The following C1QTNF3 variants were observed in gnomAD, a reference collection of about 807,000 sequenced individuals.
C1QTNF3 encodes the protein C1q and TNF related 3, also known as complement C1q tumor necrosis factor-related protein 3.
C1QTNF3 carries 26 observed loss-of-function variants against 32.6 expected under a neutral mutation model. The ratio of observed to expected loss-of-function variants is 0.80; its 90% CI spans 0.58 to 1.11. The LOEUF (loss-of-function observed/expected upper bound fraction) is 1.11. Among genes scored for constraint, C1QTNF3 ranks in the 50% least tolerant of loss-of-function variants. The pLI, the probability that C1QTNF3 is intolerant of heterozygous loss-of-function variation, is 0.00. For missense variants in C1QTNF3, 362 were observed against 398.2 expected (o/e 0.91, Z 0.77); for synonymous variants, 155 against 146.0 (o/e 1.06, Z -0.44).
chr5:34,038,005 T>G (rs748281351), intron 1 of C1QTNF3, among the ~76,000 whole-genome samples: 15 of 152,112 alleles, frequency 9.9e-5, no homozygotes, highest in Non-Finnish European at 1.8e-4. Flanking sequence ...ACCATCGATA[T>G]AGGAATGGAA....
At chr5:34,099,981 G>C in the C1QTNF3 span, among the ~76,000 whole-genome samples, 2 of 151,888 alleles carry the variant, frequency 1.3e-5, no homozygotes, top group Non-Finnish European at 2.9e-5. Context: ...GCTAGTGGCT[G>C]TCTTAGCCCC....
chr5:34,216,756 A>G, the C1QTNF3 span, among the ~76,000 whole-genome samples: 8 of 152,230 alleles, frequency 5.3e-5, no homozygotes, highest in African/African-American at 9.6e-5. Context: ...TGTATAGAAT[A>G]GAGCATAATA....
At chr5:34,235,063 T>C in the C1QTNF3 span, among the ~76,000 whole-genome samples, 1 of 152,146 alleles carries the variant, frequency 6.6e-6, no homozygotes, top group Admixed American at 6.6e-5. Flanking sequence ...CCAACACACA[T>C]ATGCTTCTCT....
chr5:34,120,291 T>A, the C1QTNF3 span, among the ~76,000 whole-genome samples: 2 of 152,212 alleles, frequency 1.3e-5, no homozygotes, highest in East Asian at 3.8e-4. Context: ...TTGTTTTAGA[T>A]CATATCAGTT....
At chr5:34,083,680 G>T in the C1QTNF3 span, among the ~76,000 whole-genome samples, 2 of 151,714 alleles carry the variant, frequency 1.3e-5, no homozygotes, top group Non-Finnish European at 2.9e-5. Context: ...TTTTATGTTG[G>T]GAACTGCTCG....
At chr5:34,208,775 A>G in the C1QTNF3 span, among the ~76,000 whole-genome samples, 322 of 138,580 alleles carry the variant, frequency 2.3e-3, no homozygotes, top group South Asian at 4.0e-3. Flanking sequence ...ATTAACTATT[A>G]GGATAATGTG....
chr5:34,128,987 C>G, the C1QTNF3 span, among the ~76,000 whole-genome samples: 249 of 152,224 alleles, frequency 1.6e-3, 1 homozygote, highest in African/African-American at 5.7e-3. Context: ...CAAATCTTAT[C>G]TCAAATTGTA....
the C1QTNF3 span, among the ~76,000 whole-genome samples, chr5:34,219,573 A>G: frequency 1.3e-4 from 19 of 147,950 alleles, no homozygotes; most frequent in Admixed American, 2.0e-4. Context: ...ATTGTGATGG[A>G]AAAAAAAAAA....
chr5:34,123,806 T>C, the C1QTNF3 span, among the ~76,000 whole-genome samples: 16 of 152,364 alleles, frequency 1.1e-4, no homozygotes, highest in African/African-American at 3.6e-4. Context: ...TAAAATGTTA[T>C]GTTTTAAAGC....
chr5:34,113,804 C>A, the C1QTNF3 span, among the ~76,000 whole-genome samples: 1 of 152,044 alleles, frequency 6.6e-6, no homozygotes, highest in African/African-American at 2.4e-5. Context: ...CAAGATATCT[C>A]ATTTCATGTT....
the C1QTNF3 span, among the ~76,000 whole-genome samples, chr5:34,145,130 A>AAAAAT: frequency 9.2e-5 from 14 of 152,144 alleles, no homozygotes; most frequent in Admixed American, 2.0e-4. Context: ...CTCCATCTCA[A>AAAAAT]AAAATAAAAT....
At chr5:34,098,431 T>C in the C1QTNF3 span, among the ~76,000 whole-genome samples, 1 of 152,144 alleles carries the variant, frequency 6.6e-6, no homozygotes, top group Non-Finnish European at 1.5e-5. Flanking sequence ...TTTTCATCGT[T>C]GACACTAAGG....
chr5:34,217,763 TA>T, the C1QTNF3 span, among the ~76,000 whole-genome samples: 3 of 152,134 alleles, frequency 2.0e-5, no homozygotes, highest in East Asian at 5.8e-4. Context: ...GAAATTAAAT[TA>T]AATCTTTAAG....
intron 2 of C1QTNF3, 92 bp downstream of exon 2, chr5:34,035,555 C>G (rs918974292): frequency 2.1e-6 from 2 of 945,378 alleles, no homozygotes; most frequent in South Asian, 2.8e-5. Context: ...TTGGATCACA[C>G]AGAAGTGATC....
At chr5:34,213,810 T>TA in the C1QTNF3 span, among the ~76,000 whole-genome samples, 45 of 13,654 alleles carry the variant, frequency 3.3e-3, 2 homozygotes, top group East Asian at 0.02. Flanking sequence ...TATATATATA[T>TA]TTTTTTTTTT....
Position 34,023,967 on chromosome 5 carries a change from C to T in C1QTNF3, c.742G>A (p.Val248Ile). 1 of 1,614,176 alleles carries T rather than the reference C, an allele frequency of 6.2e-7. No homozygotes were observed. ...ATAAGGTACACATACACTTCCTCAA[C>T]ATCCTCATGCTTCATCATGCTGAAG... ...FTFSMMKHED[V>I]EEVYVYLMHN... is the part of the protein sequence containing the mutation. The change falls in exon 5 of 6, where the codon GTT becomes ATT. Residue 248 changes from valine (V) to isoleucine (I), a missense_variant. Coordinates refer to ENST00000382065, the MANE Select transcript of C1QTNF3 (RefSeq NM_181435.6).
At chr5:34,242,558 C>G in the C1QTNF3 span, among the ~76,000 whole-genome samples, 1 of 137,512 alleles carries the variant, frequency 7.3e-6, no homozygotes, top group South Asian at 2.5e-4. Flanking sequence ...TATGAAAACT[C>G]TAAAACAAAA....
the C1QTNF3 span, among the ~76,000 whole-genome samples, chr5:34,228,176 C>T: frequency 1.3e-5 from 2 of 151,590 alleles, no homozygotes; most frequent in Non-Finnish European, 2.9e-5. Context: ...TCACAGAGAT[C>T]GTCAAACTTG....
chr5:34,213,755 A>ATG, the C1QTNF3 span, among the ~76,000 whole-genome samples: 2 of 115,750 alleles, frequency 1.7e-5, no homozygotes, highest in African/African-American at 3.1e-5. Context: ...GTGTATATAT[A>ATG]TATACACACA....
Sources: gnomAD v4.1 joint callset for allele counts (sites outside exome capture counted in the v4.1 genomes callset) on GRCh38, gnomAD v4.1.1 for gene constraint, MANE v1.5 for transcripts, NCBI Gene and HGNC (gene_info 2026-07-23, HGNC 2026-07-21) for gene names.